The following CHN2 variants were observed in gnomAD, a reference collection of about 807,000 sequenced individuals.
CHN2 encodes the protein beta-chimaerin.
CHN2 carries 35 observed loss-of-function variants against 56.3 expected under a neutral mutation model. The ratio of observed to expected loss-of-function variants is 0.62; its 90% CI spans 0.47 to 0.82. The LOEUF is 0.82. CHN2 is among the 40% of genes least tolerant of loss of function. The pLI is 0.00. For synonymous variants in CHN2, 210 were observed against 212.8 expected, an observed-to-expected ratio of 0.99 and a Z score of 0.12; for missense variants, 491 against 580.5, an observed-to-expected ratio of 0.85 and a Z score of 1.58.
chr7:29,187,249 C>T (rs1452178966), intron 2 of CHN2, among the ~76,000 whole-genome samples: 1 of 152,056 alleles, frequency 6.6e-6, no homozygotes, highest in Non-Finnish European at 1.5e-5. Flanking sequence ...TTGAAATCTA[C>T]TTTGAAATTC....
intron 1 of CHN2, among the ~76,000 whole-genome samples, chr7:29,274,564 A>T (rs2128852574): frequency 6.6e-6 from 1 of 152,258 alleles, no homozygotes; most frequent in South Asian, 2.1e-4. Flanking sequence ...GGCATTAGCG[A>T]AATAAGCATG....
chr7:29,268,035 C>T (rs1421595210), intron 1 of CHN2, among the ~76,000 whole-genome samples: 1 of 152,140 alleles, frequency 6.6e-6, no homozygotes, highest in Non-Finnish European at 1.5e-5. Context: ...AAACCTTTTA[C>T]TTCCTGTACC....
chr7:29,448,269 T>C (rs1388776846), intron 6 of CHN2, among the ~76,000 whole-genome samples: 1 of 152,096 alleles, frequency 6.6e-6, no homozygotes, highest in East Asian at 1.9e-4. Context: ...GGGTTTTTTT[T>C]TTCTTTTAGA....
chr7:29,505,070 C>T (rs1362964206), intron 10 of CHN2, among the ~76,000 whole-genome samples: 1 of 152,144 alleles, frequency 6.6e-6, no homozygotes, highest in Non-Finnish European at 1.5e-5. Flanking sequence ...CATCTGCATC[C>T]CCTGTCTCAG....
chr7:29,240,651 A>G (rs1041475492), intron 1 of CHN2, among the ~76,000 whole-genome samples: 3 of 152,100 alleles, frequency 2.0e-5, no homozygotes, highest in Non-Finnish European at 4.4e-5. Flanking sequence ...GAAAAGAAAC[A>G]AATCATAGCA....
intron 6 of CHN2, among the ~76,000 whole-genome samples, chr7:29,424,203 A>C (rs1294352389): frequency 6.6e-6 from 1 of 152,188 alleles, no homozygotes; most frequent in Non-Finnish European, 1.5e-5. Flanking sequence ...CATGTTCTAC[A>C]GAAATAGTTT....
At chr7:29,491,556 G>A (rs1044398465) in intron 7 of CHN2, among the ~76,000 whole-genome samples, 2 of 152,006 alleles carry the variant, frequency 1.3e-5, no homozygotes, top group African/African-American at 4.8e-5. Context: ...CTACAGGCAT[G>A]TGCTACTATG....
intron 1 of CHN2, among the ~76,000 whole-genome samples, chr7:29,209,930 G>T (rs1485711695): frequency 6.6e-6 from 1 of 152,128 alleles, no homozygotes; most frequent in African/African-American, 2.4e-5. Flanking sequence ...GCCAGGGTGC[G>T]TAAAGATCAC....
At chr7:29,293,601 G>A (rs1224276013) in intron 1 of CHN2, among the ~76,000 whole-genome samples, 1 of 151,970 alleles carries the variant, frequency 6.6e-6, no homozygotes, top group Admixed American at 6.6e-5. Context: ...TGCAGTTCCC[G>A]CAAACAGGTA....
upstream of CHN2, among the ~76,000 whole-genome samples, chr7:29,190,936 CTT>C (rs796284400): frequency 1.4e-5 from 2 of 144,918 alleles, no homozygotes; most frequent in Non-Finnish European, 1.5e-5. Context: ...CCCCACCATG[CTT>C]TTTTTTTTTT....
intron 2 of CHN2, among the ~76,000 whole-genome samples, chr7:29,363,029 C>T (rs185743437): frequency 1.3e-4 from 20 of 152,286 alleles, no homozygotes; most frequent in Admixed American, 3.9e-4. Flanking sequence ...AGGATTCTCT[C>T]GCTGTGGATT....
chr7:29,173,562 A>C (rs1297479668), intron 2 of CHN2, among the ~76,000 whole-genome samples: 1 of 152,142 alleles, frequency 6.6e-6, no homozygotes, highest in African/African-American at 2.4e-5. Flanking sequence ...GTAAACTTCA[A>C]AGGATAAAAA....
intron 1 of CHN2, among the ~76,000 whole-genome samples, chr7:29,291,665 C>G (rs76198357): frequency 0.014 from 2,194 of 152,118 alleles, 55 homozygotes; most frequent in African/African-American, 0.049. Flanking sequence ...TAGGTTGATA[C>G]CAGTTTTTCT....
chr7:29,338,762 T>G (rs1020720986), intron 1 of CHN2, among the ~76,000 whole-genome samples: 3 of 152,128 alleles, frequency 2.0e-5, no homozygotes, highest in African/African-American at 7.2e-5. Context: ...TATCTTTTAG[T>G]AGAGACAGGG....
chr7:29,339,860 A>T (rs1221941914), intron 1 of CHN2, among the ~76,000 whole-genome samples: 2 of 151,836 alleles, frequency 1.3e-5, no homozygotes, highest in Non-Finnish European at 2.9e-5. Context: ...TCTCAAAAAA[A>T]AAAAATAATA....
rs1788945259 is a variant in CHN2 at position 29,254,889 on chromosome 7, G to A, written c.49+59899G>A. Among the ~76,000 whole-genome samples the A allele has an allele frequency of 2.0e-5, 3 of 152,210 alleles. 1 individual carries two copies. The South Asian group carries it at 6.2e-4, about 32-fold the overall frequency. On this transcript the variant is annotated intron_variant, in intron 1 of 12. Coordinates refer to ENST00000222792, the MANE Select transcript of CHN2 (RefSeq NM_004067.4). ...CAGTTTCTGTAGTTCAAGCAGGTTT[G>A]CTTAAAGGAGATTGGTCAGAGTGCT...
At chr7:29,405,701 G>A (rs897595888) in intron 6 of CHN2, among the ~76,000 whole-genome samples, 1 of 152,182 alleles carries the variant, frequency 6.6e-6, no homozygotes, top group African/African-American at 2.4e-5. Flanking sequence ...GTCCTTTACA[G>A]ATGAACTGTT....
intron 3 of CHN2, among the ~76,000 whole-genome samples, chr7:29,392,394 T>C (rs984922937): frequency 6.6e-6 from 1 of 152,218 alleles, no homozygotes; most frequent in Admixed American, 6.5e-5. Flanking sequence ...TTACACACTT[T>C]CTGCTTCTAT....
chr7:29,400,815 C>G lies in CHN2; in HGVS notation c.563C>G (p.Thr188Arg). ...RKTNVTHEEH[T>R]AVEKISSLVR... is the part of the protein sequence containing the mutation. ...ACAAACGTCACACATGAAGAACACA[C>G]AGCGGTGGAAAAGGTGAGCTGTGTG... The change falls in exon 6 of 13, where the codon ACA becomes AGA. Residue 188 changes from threonine to arginine, a missense_variant. Coordinates refer to ENST00000222792, the MANE Select transcript of CHN2 (RefSeq NM_004067.4). 1.2e-6 allele frequency: 2 copies of G among 1,613,576 alleles called. No individual in the cohort carries two copies. Among genetic ancestry groups the G allele is most frequent in the African/African-American group, 1.3e-5 (1 of 74,954 alleles).
Sources: gnomAD v4.1 joint callset for allele counts (sites outside exome capture counted in the v4.1 genomes callset) on GRCh38, gnomAD v4.1.1 for gene constraint, MANE v1.5 for transcripts, NCBI Gene and HGNC (gene_info 2026-07-23, HGNC 2026-07-21) for gene names.